CTTNBP2: variants seen among roughly 807,000 people sequenced by gnomAD.
CTTNBP2 encodes the protein cortactin binding protein 2.
In CTTNBP2, 108 loss-of-function variants were observed where a neutral mutation model predicts 156.9. The observed-to-expected ratio is 0.69, with a 90% CI of 0.59 to 0.81. The LOEUF (loss-of-function observed/expected upper bound fraction) is 0.81. Among genes scored for constraint, CTTNBP2 ranks in the 30% least tolerant of loss-of-function variants. The pLI is 0.00. For synonymous variants in CTTNBP2, 767 were observed against 751.8 expected (o/e 1.02, Z -0.33); for missense variants, 1,924 against 2,035.4 (o/e 0.95, Z 1.05).
At position 117,735,117 on chromosome 7, in the gene CTTNBP2, A is replaced by T. The variant is rs768528760; in HGVS notation, c.3689-17T>A. The T allele has an allele frequency of 4.4e-6, 7 of 1,607,184 alleles. No individual in the cohort carries two copies. Among genetic ancestry groups the T allele is most frequent in the Non-Finnish European group, 6.0e-6 (7 of 1,175,648 alleles). On this transcript the variant is annotated splice_polypyrimidine_tract_variant and intron_variant, in intron 15 of 22. Coordinates refer to ENST00000160373, the MANE Select transcript of CTTNBP2 (RefSeq NM_033427.3). The stretch of plus-strand genomic sequence containing the variant: ...GTCCATTTCCTGAAACAAACCAAAA[A>T]GCAATGGCCCATCCTCAGTGAGTTA...
At chr7:117,873,282 GC>G in intron 1 of CTTNBP2, 52 bp downstream of exon 1, 18 of 1,279,676 alleles carry the variant, frequency 1.4e-5, no homozygotes, top group South Asian at 6.6e-5. Context: ...CCCCGGCGCC[GC>G]CCCCGGCCCG....
At chr7:117,865,688 A>C (rs1040234039) in intron 1 of CTTNBP2, among the ~76,000 whole-genome samples, 1 of 149,724 alleles carries the variant, frequency 6.7e-6, no homozygotes, top group Admixed American at 6.7e-5. Flanking sequence ...AAAAAAAAAA[A>C]AAGAAAAGAA....
chr7:117,744,042 A>G (rs766329004), intron 14 of CTTNBP2, among the ~76,000 whole-genome samples: 5 of 152,178 alleles, frequency 3.3e-5, no homozygotes, highest in East Asian at 1.9e-4. Context: ...TTGTGGCTAC[A>G]TAGTAGGTGT....
In CTTNBP2 at chr7:117,777,686, G is replaced by A. The variant is rs1315384348; in HGVS notation, c.2603C>T (p.Pro868Leu). Residue 868 changes from proline (P) to leucine (L), a missense_variant, in exon 8 of 23, where the codon CCA becomes CTA. By Grantham distance (98) the Pro-to-Leu change is moderately conservative (BLOSUM62 -3). Coordinates refer to ENST00000160373, the MANE Select transcript of CTTNBP2 (RefSeq NM_033427.3). ...CTCATTGAAAGAATTTCCATGAGCT[G>A]GTATTCTATGGTACATAAGAAGCTT... is the stretch of plus-strand genomic sequence containing the variant. ...SLKLLMYHRI[P>L]AHGNSFNEEE... The A allele has an allele frequency of 6.2e-7, 1 of 1,613,878 alleles. No individual in the cohort carries two copies. Among genetic ancestry groups the A allele is most frequent in the African/African-American group, 1.3e-5 (1 of 74,860 alleles).
At chr7:117,846,161 T>G (rs922340985) in intron 2 of CTTNBP2, among the ~76,000 whole-genome samples, 1 of 152,136 alleles carries the variant, frequency 6.6e-6, no homozygotes, top group African/African-American at 2.4e-5. Flanking sequence ...CTGTTAAATA[T>G]TTTGAATGCC....
chr7:117,753,854 C>T (rs569679673), intron 12 of CTTNBP2, among the ~76,000 whole-genome samples: 1 of 152,304 alleles, frequency 6.6e-6, no homozygotes, highest in East Asian at 1.9e-4. Context: ...TGTAGCAAAC[C>T]ACCATGGCAC....
At chr7:117,717,974 C>T in intron 22 of CTTNBP2, 44 bp downstream of exon 22, 2 of 1,203,994 alleles carry the variant, frequency 1.7e-6, no homozygotes, top group South Asian at 1.2e-5. Flanking sequence ...GTCAATTCCA[C>T]AGCAATCATC....
At chr7:117,871,844 TCACACA>T (rs71150640) in intron 1 of CTTNBP2, 102 of 309,406 alleles carry the variant, frequency 3.3e-4, no homozygotes, top group South Asian at 8.8e-4. Flanking sequence ...TCCTTCCCCT[TCACACA>T]CACACACACA....
chr7:117,717,339 G>A (rs1309217082), intron 22 of CTTNBP2, among the ~76,000 whole-genome samples: 1 of 150,842 alleles, frequency 6.6e-6, no homozygotes, highest in Admixed American at 6.6e-5. Context: ...TTTTTGCAAT[G>A]TATAAGACCT....
intron 2 of CTTNBP2, among the ~76,000 whole-genome samples, chr7:117,834,701 CTTTACTT>C (rs1418281387): frequency 6.6e-6 from 1 of 152,204 alleles, no homozygotes; most frequent in African/African-American, 2.4e-5. Context: ...AATGAACACA[CTTTACTT>C]TTTAGTGCGA....
At chr7:117,733,017 G>A (rs926658478) in intron 16 of CTTNBP2, among the ~76,000 whole-genome samples, 1 of 152,174 alleles carries the variant, frequency 6.6e-6, no homozygotes, top group Non-Finnish European at 1.5e-5. Context: ...CTACTAAAAA[G>A]GGTATAATTG....
intron 3 of CTTNBP2, 98 bp downstream of exon 3, chr7:117,810,667 G>A (rs1407077193): frequency 3.2e-6 from 3 of 938,136 alleles, no homozygotes; most frequent in Non-Finnish European, 5.1e-6. Flanking sequence ...TTGCAATCCT[G>A]TCTGAAAATA....
chr7:117,730,638 G>C lies in CTTNBP2; in HGVS notation c.3877-2371C>G, dbSNP rs543400418. Among the ~76,000 whole-genome samples, 14 of 152,258 alleles carry C rather than the reference G, an allele frequency of 9.2e-5. No homozygotes were observed. In the South Asian group the frequency reaches 2.3e-3, roughly 25 times the overall value. On this transcript the variant is annotated intron_variant, in intron 16 of 22. Coordinates refer to ENST00000160373, the MANE Select transcript of CTTNBP2 (RefSeq NM_033427.3). ...CCACTTGGAAGGCACGGACTCAGAC[G>C]CTTGTACACAGTGACTATTAGTGGG...
intron 2 of CTTNBP2, among the ~76,000 whole-genome samples, chr7:117,821,467 A>AGAAT (rs1800962629): frequency 6.6e-6 from 1 of 151,892 alleles, no homozygotes. Context: ...TCTATTAATG[A>AGAAT]GAATATGTGG....
At chr7:117,750,120 C>A (rs1796544330) in intron 12 of CTTNBP2, among the ~76,000 whole-genome samples, 1 of 152,010 alleles carries the variant, frequency 6.6e-6, no homozygotes, top group Non-Finnish European at 1.5e-5. Flanking sequence ...AAGATTTACC[C>A]CAGAGATTTT....
chr7:117,775,189 A>C (rs1004865517), intron 8 of CTTNBP2, among the ~76,000 whole-genome samples: 7 of 152,174 alleles, frequency 4.6e-5, no homozygotes, highest in African/African-American at 1.7e-4. Flanking sequence ...TCTAGGGCTT[A>C]AAAAATATAT....
At chr7:117,807,629 T>C (rs1800027005) in intron 3 of CTTNBP2, among the ~76,000 whole-genome samples, 1 of 152,080 alleles carries the variant, frequency 6.6e-6, no homozygotes, top group African/African-American at 2.4e-5. Flanking sequence ...GCTAATGAAA[T>C]GCACCTGTCT....
At position 117,840,645 on chromosome 7, in the gene CTTNBP2, T is replaced by C. The variant is rs1337070836; in HGVS notation, c.189+20564A>G. Among the ~76,000 whole-genome samples, 3 of 152,362 alleles carry C rather than the reference T, an allele frequency of 2.0e-5. No individual in the cohort carries two copies. In the East Asian group the frequency reaches 5.8e-4, roughly 29 times the overall value. On this transcript the variant is annotated intron_variant, in intron 2 of 22. Coordinates refer to ENST00000160373, the MANE Select transcript of CTTNBP2 (RefSeq NM_033427.3). ...CATACGCATTTGTGATATAGTTAGT[T>C]TGCTGTGGCTGCAAAGCATATAACT...
chr7:117,861,233 T>C lies in CTTNBP2; in HGVS notation c.165A>G (p.Arg55=). The C allele has an allele frequency of 6.2e-7, 1 of 1,613,322 alleles. No individual in the cohort carries two copies. The highest frequency in any genetic ancestry group is 8.5e-7 in the Non-Finnish European group (1 of 1,179,512). The part of the protein sequence containing the change: ...LSVMEGELEA[R]DLVIEALRAR... Reference sequence around the variant, plus strand: ...CCCGCAGGGCCTCGATGACAAGGTCTCTGGCCTCCAGCTCCCCTTCCATCA... The same window carrying C: ...CCCGCAGGGCCTCGATGACAAGGTCCCTGGCCTCCAGCTCCCCTTCCATCA... The change falls in exon 2 of 23, where the codon AGA becomes AGG. Residue 55 remains arginine (R), a synonymous_variant. Coordinates refer to ENST00000160373, the MANE Select transcript of CTTNBP2 (RefSeq NM_033427.3).
Sources: gnomAD v4.1 joint callset for allele counts (sites outside exome capture counted in the v4.1 genomes callset) on GRCh38, gnomAD v4.1.1 for gene constraint, MANE v1.5 for transcripts, NCBI Gene and HGNC (gene_info 2026-07-23, HGNC 2026-07-21) for gene names.